The following IRAK1BP1 variants were observed in gnomAD, a reference collection of about 807,000 sequenced individuals.
The protein encoded by IRAK1BP1 is interleukin 1 receptor associated kinase 1 binding protein 1, also known as interleukin-1 receptor-associated kinase 1-binding protein 1.
Under a neutral mutation model 28.0 loss-of-function variants are expected in IRAK1BP1, and 24 were observed. The observed-to-expected ratio is 0.86, with a 90% confidence interval of 0.62 to 1.20. The LOEUF is 1.20. IRAK1BP1 is among the 50% of genes most tolerant of loss of function. IRAK1BP1 has a pLI of 0.00. For synonymous variants in IRAK1BP1, 131 were observed against 116.3 expected, an observed-to-expected ratio of 1.13 and a Z score of -0.81; for missense variants, 336 against 316.7, an observed-to-expected ratio of 1.06 and a Z score of -0.46.
At chr6:78,937,600 G>A (rs1303765383) in intron 4 of IRAK1BP1, 1 of 151,654 alleles carries the variant, frequency 6.6e-6, no homozygotes, top group Non-Finnish European at 1.5e-5. Context: ...TACTTGGATT[G>A]GAGGAAGACA....
chr6:78,907,331 T>TA (rs1772286509), downstream of IRAK1BP1, among the ~76,000 whole-genome samples: 7 of 152,308 alleles, frequency 4.6e-5, no homozygotes, highest in South Asian at 1.4e-3. Context: ...CTATTTTTAT[T>TA]AAAATAAATG....
the IRAK1BP1 span, among the ~76,000 whole-genome samples, chr6:78,971,888 G>A: frequency 2.6e-5 from 4 of 152,180 alleles, no homozygotes. Flanking sequence ...ACCCCACGGA[G>A]TCTCGCTGAT....
At chr6:78,965,880 A>G in the IRAK1BP1 span, 1 of 1,270,038 alleles carries the variant, frequency 7.9e-7, no homozygotes, top group South Asian at 1.2e-5. Flanking sequence ...TTTATCTCTT[A>G]ATAGATGGAA....
chr6:78,872,197 C>T (rs1052899764), intron 1 of IRAK1BP1: 54 of 679,436 alleles, frequency 7.9e-5, no homozygotes, highest in South Asian at 7.3e-4. Flanking sequence ...CTGACCACAG[C>T]GGTAATTTGC....
intron 4 of IRAK1BP1, among the ~76,000 whole-genome samples, chr6:78,918,751 A>G (rs1324512929): frequency 1.3e-5 from 2 of 152,164 alleles, no homozygotes; most frequent in Non-Finnish European, 2.9e-5. Flanking sequence ...CCACACAATA[A>G]TAGTGGGGGA....
chr6:78,960,408 T>A, the IRAK1BP1 span, among the ~76,000 whole-genome samples: 1 of 152,034 alleles, frequency 6.6e-6, no homozygotes, highest in Non-Finnish European at 1.5e-5. Flanking sequence ...TCTTTAGCAA[T>A]TTAAGGGGTC....
In IRAK1BP1 at chr6:78,897,941, G is replaced by A. The variant is rs145996586; in HGVS notation, c.494G>A (p.Gly165Asp). 1 of 1,613,924 alleles carries A rather than the reference G, an allele frequency of 6.2e-7. No individual in the cohort carries two copies. Among genetic ancestry groups the A allele is most frequent in the East Asian group, 2.2e-5 (1 of 44,864 alleles). Residue 165 changes from glycine (G) to aspartate (D), a missense_variant, in exon 3 of 4, where the codon GGT becomes GAT. By Grantham distance (94) the Gly-to-Asp change is moderately conservative. Transcript: ENST00000369940. Reference sequence around the variant, plus strand: ...CCACCCCAGTTCTATCATACTCCAGGTTCTGTTGAGAATCTTCGGTAAGTT... The same window carrying A: ...CCACCCCAGTTCTATCATACTCCAGATTCTGTTGAGAATCTTCGGTAAGTT... The part of the protein sequence containing the change: ...ISPPQFYHTP[G>D]SVENLRRQAC...
At chr6:78,973,889 AC>A in the IRAK1BP1 span, among the ~76,000 whole-genome samples, 2 of 151,728 alleles carry the variant, frequency 1.3e-5, no homozygotes, top group African/African-American at 4.8e-5. Context: ...GTCTTGAGTG[AC>A]CTACAAAGAG....
At chr6:78,965,623 T>A in the IRAK1BP1 span, 2 of 786,762 alleles carry the variant, frequency 2.5e-6, no homozygotes, top group South Asian at 3.3e-5. Flanking sequence ...CTGTAAGTGG[T>A]AGCATGTTAG....
chr6:78,907,363 G>T (rs958549052), downstream of IRAK1BP1, among the ~76,000 whole-genome samples: 1 of 152,076 alleles, frequency 6.6e-6, no homozygotes, highest in Non-Finnish European at 1.5e-5. Context: ...AATTTCCTCT[G>T]ATTCAAGCAC....
intron 2 of IRAK1BP1, among the ~76,000 whole-genome samples, chr6:78,893,348 A>ATATC (rs1582016941): frequency 7.9e-6 from 1 of 126,042 alleles, no homozygotes; most frequent in Non-Finnish European, 1.7e-5. Flanking sequence ...ATATATATAT[A>ATATC]TCAACGAAGA....
intron 1 of IRAK1BP1, among the ~76,000 whole-genome samples, chr6:78,877,458 G>T (rs1461272170): frequency 6.6e-6 from 1 of 152,144 alleles, no homozygotes; most frequent in Non-Finnish European, 1.5e-5. Flanking sequence ...CTTCTTATAT[G>T]GGTTGTTTTC....
At chr6:78,903,258 G>A (rs1486186628), downstream of IRAK1BP1, 4 of 479,284 alleles carry the variant, frequency 8.3e-6, no homozygotes, top group Non-Finnish European at 1.5e-5. Flanking sequence ...CGAGGCAGGT[G>A]GATCACTTGA....
At chr6:78,870,750 G>A (rs757881745) in intron 1 of IRAK1BP1, among the ~76,000 whole-genome samples, 1 of 151,292 alleles carries the variant, frequency 6.6e-6, no homozygotes. Flanking sequence ...CGCTTTTGTC[G>A]CCCAGGCTGG....
At chr6:78,870,578 T>G (rs1301283941) in intron 1 of IRAK1BP1, among the ~76,000 whole-genome samples, 1 of 152,260 alleles carries the variant, frequency 6.6e-6, no homozygotes, top group East Asian at 1.9e-4. Context: ...CATAGATTTA[T>G]GAACTTGTGT....
chr6:78,935,669 C>T (rs1773250315), intron 4 of IRAK1BP1: 1 of 983,894 alleles, frequency 1.0e-6, no homozygotes, highest in Non-Finnish European at 1.2e-6. Context: ...TTTCGGCACC[C>T]AAATATCTTT....
the IRAK1BP1 span, among the ~76,000 whole-genome samples, chr6:78,968,163 A>G: frequency 6.6e-6 from 1 of 152,264 alleles, no homozygotes; most frequent in African/African-American, 2.4e-5. Context: ...AATTTATCAT[A>G]TCAAGTAATG....
intron 4 of IRAK1BP1, among the ~76,000 whole-genome samples, chr6:78,929,136 G>A (rs779878666): frequency 6.6e-6 from 1 of 152,088 alleles, no homozygotes; most frequent in Non-Finnish European, 1.5e-5. Flanking sequence ...GAAGCCATCA[G>A]GTGTCAGGCT....
chr6:78,937,198 C>T (rs879858579), intron 4 of IRAK1BP1: 1 of 151,500 alleles, frequency 6.6e-6, no homozygotes, highest in African/African-American at 2.4e-5. Flanking sequence ...AGAATATATC[C>T]GTTTTCATTA....
Sources: gnomAD v4.1 joint callset for allele counts (sites outside exome capture counted in the v4.1 genomes callset) on GRCh38, gnomAD v4.1.1 for gene constraint, MANE v1.5 for transcripts, NCBI Gene and HGNC (gene_info 2026-07-23, HGNC 2026-07-21) for gene names.